The following PSTPIP1 variants were observed in gnomAD, a reference collection of about 807,000 sequenced individuals.
The protein encoded by PSTPIP1 is proline-serine-threonine phosphatase interacting protein 1, also known as proline-serine-threonine phosphatase-interacting protein 1.
In PSTPIP1, 66 loss-of-function variants were observed where a neutral mutation model predicts 69.6. That is an observed-to-expected ratio of 0.95 (90% CI 0.78 to 1.16). PSTPIP1 has a LOEUF of 1.16. PSTPIP1 is among the 50% of genes most tolerant of loss of function. The pLI is 0.00. For synonymous variants in PSTPIP1, 266 were observed against 222.7 expected, an observed-to-expected ratio of 1.19 and a Z score of -1.73; for missense variants, 603 against 557.4, an observed-to-expected ratio of 1.08 and a Z score of -0.82.
At chr15:77,000,877 T>A (rs530322423) in intron 1 of PSTPIP1, among the ~76,000 whole-genome samples, 1 of 152,258 alleles carries the variant, frequency 6.6e-6, no homozygotes, top group Admixed American at 6.5e-5. Flanking sequence ...TAAATTTTAT[T>A]TTAAATTGTA....
chr15:77,009,190 C>T (rs1568489618), intron 1 of PSTPIP1, among the ~76,000 whole-genome samples: 2 of 152,174 alleles, frequency 1.3e-5, no homozygotes, highest in South Asian at 2.1e-4. Context: ...ACTAGCCCCC[C>T]AGGCACGGAA....
intron 1 of PSTPIP1, among the ~76,000 whole-genome samples, chr15:76,996,281 C>T (rs916772778): frequency 5.3e-5 from 8 of 152,222 alleles, no homozygotes; most frequent in African/African-American, 9.6e-5. Flanking sequence ...GAAATAAGGG[C>T]GCCCAGCCAG....
At chr15:77,034,656 G>C (rs144527688) in intron 12 of PSTPIP1, among the ~76,000 whole-genome samples, 2 of 151,970 alleles carry the variant, frequency 1.3e-5, no homozygotes, top group Non-Finnish European at 2.9e-5. Flanking sequence ...CCCTCTCCTG[G>C]TCACCTGCAG....
Position 76,995,377 on chromosome 15 carries a change from A to G in PSTPIP1, c.-197A>G. 6.9e-7 allele frequency: 1 copy of G among 1,439,306 alleles called. No individual in the cohort carries two copies. The highest frequency in any genetic ancestry group is 9.1e-7 in the Non-Finnish European group (1 of 1,100,862). The allele number at this position is 1,439,306 out of a possible 1,614,324, so 89.2% of individuals were successfully genotyped here. On this transcript the variant is annotated 5_prime_UTR_variant, in exon 1 of 15. Coordinates refer to ENST00000558012, the MANE Select transcript of PSTPIP1 (RefSeq NM_003978.5). ...TGCTGCTGATTCTAGCCCCAAACAAAACAGGTTGAGCTTTTTCCTCCCCTC... is the reference window on the plus strand; with the variant it reads ...TGCTGCTGATTCTAGCCCCAAACAAGACAGGTTGAGCTTTTTCCTCCCCTC...
chr15:77,032,860 A>C lies in PSTPIP1; in HGVS notation c.839-2A>C. The stretch of plus-strand genomic sequence containing the variant: ...CTGGGGCTCACGGCTTGCTGTCTGC[A>C]GCTCCGGTGCCCTACCAGAACTATT... On this transcript the variant is annotated splice_acceptor_variant, in intron 11 of 14. Transcript: ENST00000558012. LOFTEE classifies it high-confidence loss of function. 1 of 1,572,166 alleles carries C rather than the reference A, an allele frequency of 6.4e-7. No individual in the cohort carries two copies. Among genetic ancestry groups the C allele is most frequent in the Non-Finnish European group, 8.6e-7 (1 of 1,159,020 alleles).
intron 1 of PSTPIP1, among the ~76,000 whole-genome samples, chr15:77,009,496 C>T (rs2075889280): frequency 6.6e-6 from 1 of 152,150 alleles, no homozygotes; most frequent in Non-Finnish European, 1.5e-5. Flanking sequence ...AAAATTGAGG[C>T]CAGAGAGTGG....
At chr15:77,025,263 C>T (rs377001946) in intron 3 of PSTPIP1, 21 bp from the exon 4 acceptor site, 6 of 1,604,070 alleles carry the variant, frequency 3.7e-6, no homozygotes, top group Non-Finnish European at 5.1e-6. Flanking sequence ...TCCTCCTGAC[C>T]TGGACCCATC....
chr15:77,029,684 T>C (rs1234687535), intron 8 of PSTPIP1, 110 bp downstream of exon 8: 1 of 1,261,610 alleles, frequency 7.9e-7, no homozygotes, highest in South Asian at 1.4e-5. Flanking sequence ...TGCACAATCA[T>C]GGGCGCGGCG....
At chr15:77,036,737 C>A (rs1439981480) in intron 14 of PSTPIP1, among the ~76,000 whole-genome samples, 1 of 152,026 alleles carries the variant, frequency 6.6e-6, no homozygotes, top group African/African-American at 2.4e-5. Flanking sequence ...CATGAGTGTG[C>A]CCTGGGCTTG....
At chr15:77,003,493 A>C (rs1403423788) in intron 1 of PSTPIP1, among the ~76,000 whole-genome samples, 1 of 152,052 alleles carries the variant, frequency 6.6e-6, no homozygotes, top group Non-Finnish European at 1.5e-5. Flanking sequence ...GTCTCTACTA[A>C]AACTACAAAA....
intron 1 of PSTPIP1, among the ~76,000 whole-genome samples, chr15:77,013,748 G>T (rs1290392736): frequency 6.6e-6 from 1 of 152,144 alleles, no homozygotes; most frequent in Non-Finnish European, 1.5e-5. Flanking sequence ...GAAGATTTTG[G>T]TGCCAGTTCT....
At chr15:77,003,763 CAG>C (rs2075762749) in intron 1 of PSTPIP1, among the ~76,000 whole-genome samples, 2 of 152,148 alleles carry the variant, frequency 1.3e-5, no homozygotes, top group South Asian at 4.1e-4. Flanking sequence ...TTCTGAACCT[CAG>C]TTTCCTCATC....
chr15:77,013,305 C>G (rs1049996886), intron 1 of PSTPIP1, among the ~76,000 whole-genome samples: 1 of 152,236 alleles, frequency 6.6e-6, no homozygotes, highest in Non-Finnish European at 1.5e-5. Flanking sequence ...AGTTCCCCGA[C>G]TTTCACTGGA....
intron 1 of PSTPIP1, among the ~76,000 whole-genome samples, chr15:77,015,004 A>C (rs1052986521): frequency 6.6e-6 from 1 of 152,142 alleles, no homozygotes; most frequent in Admixed American, 6.5e-5. Context: ...CTAATCCAGG[A>C]CGGGTTATCC....
chr15:77,017,954 C>T (rs894435464), intron 1 of PSTPIP1, among the ~76,000 whole-genome samples, 194 bp from the exon 2 acceptor site: 1 of 152,206 alleles, frequency 6.6e-6, no homozygotes, highest in African/African-American at 2.4e-5. Flanking sequence ...ATGTACCTGT[C>T]ACCTCTGCAG....
chr15:77,035,834 C>CTAACAAGGCTAGA lies in PSTPIP1; in HGVS notation c.1018_1019insTAACAAGGCTAGA (p.Arg340LeufsTer7). ...AGAGACCCTGACCCCCACCCCCGAG[C>CTAACAAGGCTAGA]GGAATGAGGGTGTCTACACAGCCAT... On this transcript the variant is annotated frameshift_variant, in exon 14 of 15. Coordinates refer to ENST00000558012, the MANE Select transcript of PSTPIP1 (RefSeq NM_003978.5). LOFTEE classifies it high-confidence loss of function. 1 of 1,609,868 alleles carries CTAACAAGGCTAGA rather than the reference C, an allele frequency of 6.2e-7. No individual in the cohort carries two copies. Among genetic ancestry groups the CTAACAAGGCTAGA allele is most frequent in the Non-Finnish European group, 8.5e-7 (1 of 1,179,602 alleles).
intron 14 of PSTPIP1, 42 bp from the exon 15 acceptor site, chr15:77,036,991 AGGCCCTTCCCTG>A: frequency 6.3e-7 from 1 of 1,575,096 alleles, no homozygotes; most frequent in South Asian, 1.1e-5. Context: ...CCCTCCCTGC[AGGCCCTTCCCTG>A]CAGGCCCTTC....
At chr15:77,017,530 AGG>A (rs550138072) in intron 1 of PSTPIP1, among the ~76,000 whole-genome samples, 2 of 152,134 alleles carry the variant, frequency 1.3e-5, no homozygotes, top group East Asian at 3.9e-4. Flanking sequence ...GATCTCCGTG[AGG>A]GGGGGTTTCC....
chr15:77,037,355 CTCT>C lies in PSTPIP1; in HGVS notation c.*181_*183del, dbSNP rs2076606875. 9 of 777,064 alleles carry C rather than the reference CTCT, an allele frequency of 1.2e-5. No homozygotes were observed. Among genetic ancestry groups the C allele is most frequent in the Non-Finnish European group, 1.7e-5 (9 of 516,764 alleles). 48.1% of individuals were successfully genotyped at this position (777,064 alleles called of 1,614,324 possible). A position where few individuals can be genotyped will look rare whatever the true frequency, so the allele number is the denominator to read the frequency against. ...CTCCTTGGTGTGCTGGGGTCCCGTTCTCTTTTTCTCCTGCTCCAGTGTCCGAGT... is the reference window on the plus strand; with the variant it reads ...CTCCTTGGTGTGCTGGGGTCCCGTTCTTTTCTCCTGCTCCAGTGTCCGAGT... On this transcript the variant is annotated 3_prime_UTR_variant, in exon 15 of 15. Coordinates refer to ENST00000558012, the MANE Select transcript of PSTPIP1 (RefSeq NM_003978.5).
Sources: allele counts gnomAD v4.1 joint callset (sites outside exome capture counted in the v4.1 genomes callset), GRCh38; gene constraint gnomAD v4.1.1; transcripts MANE v1.5; gene names NCBI Gene and HGNC (gene_info 2026-07-23, HGNC 2026-07-21).